Variants in FBXW8 observed in about 807,000 individuals in gnomAD.
FBXW8 encodes the protein F-box/WD repeat-containing protein 8.
A neutral mutation model predicts 65.3 loss-of-function variants in FBXW8; 57 were observed. That is an observed-to-expected ratio of 0.87 (90% CI 0.71 to 1.09). The LOEUF (loss-of-function observed/expected upper bound fraction) is 1.09. Ranked by LOEUF, FBXW8 falls within the 50% of genes least tolerant of loss-of-function variation. FBXW8 has a pLI of 0.00. For missense variants in FBXW8, 777 were observed against 814.8 expected (o/e 0.95, Z 0.57); for synonymous variants, 308 against 330.2 (o/e 0.93, Z 0.73).
chr12:116,990,485 G>A (rs1345911273), intron 7 of FBXW8, among the ~76,000 whole-genome samples: 1 of 152,080 alleles, frequency 6.6e-6, no homozygotes, highest in Non-Finnish European at 1.5e-5. Flanking sequence ...AGAGAGGGGA[G>A]ACCATTTTGC....
chr12:116,988,064 G>A (rs369078959), intron 6 of FBXW8, among the ~76,000 whole-genome samples: 25 of 152,308 alleles, frequency 1.6e-4, no homozygotes, highest in East Asian at 3.9e-4. Flanking sequence ...GTATTCCAGC[G>A]TATAGATACA....
rs745968022 is a variant in FBXW8, at chr12:117,010,373, C to T, written c.1290C>T (p.Asn430=). The change falls in exon 8 of 11, where the codon AAC becomes AAT. Residue 430 remains asparagine (N), a synonymous_variant. Coordinates refer to ENST00000652555, the MANE Select transcript of FBXW8 (RefSeq NM_153348.3). ...GACGCCGCCTCTTGAAGCTGGGTAA[C>T]GTTCTCCGTGACTTCACGTGTGTCA... ...EAGRRLLKLG[N]VLRDFTCVNL... 2.7e-5 allele frequency: 43 copies of T among 1,614,094 alleles called. No individual in the cohort carries two copies. The highest frequency in any genetic ancestry group is 5.0e-5 in the Admixed American group (3 of 60,016).
chr12:116,911,855 G>A (rs565255008), intron 1 of FBXW8, among the ~76,000 whole-genome samples: 6 of 152,176 alleles, frequency 3.9e-5, no homozygotes, highest in African/African-American at 1.4e-4. Context: ...TTTTGTAACC[G>A]TGCACGTATT....
chr12:117,010,253 G>A, intron 7 of FBXW8, 70 bp from the exon 8 acceptor site: 1 of 1,606,772 alleles, frequency 6.2e-7, no homozygotes, highest in Non-Finnish European at 8.5e-7. Context: ...CCACGATGGT[G>A]AAATGAAAGT....
At chr12:116,925,527 G>C (rs756544912) in intron 1 of FBXW8, among the ~76,000 whole-genome samples, 36 of 152,184 alleles carry the variant, frequency 2.4e-4, no homozygotes, top group Middle Eastern at 3.4e-3. Context: ...TTAGTGTATT[G>C]GTTTCTTTTT....
At chr12:116,935,158 A>G (rs1387927893) in intron 2 of FBXW8, among the ~76,000 whole-genome samples, 1 of 152,252 alleles carries the variant, frequency 6.6e-6, no homozygotes, top group African/African-American at 2.4e-5. Context: ...GTAATAAAGA[A>G]AAAGAGGGAA....
At chr12:117,027,094 C>T (rs537045378) in intron 9 of FBXW8, among the ~76,000 whole-genome samples, 28 of 152,286 alleles carry the variant, frequency 1.8e-4, no homozygotes, top group Admixed American at 1.3e-3. Context: ...GTGGCTGATT[C>T]GTCTGCAGTA....
At position 117,030,165 on chromosome 12, in the gene FBXW8, A is replaced by G. The variant is rs1467043701; in HGVS notation, c.*1993A>G. 2 of 152,160 alleles carry G rather than the reference A, an allele frequency of 1.3e-5. No individual in the cohort carries two copies. The highest frequency in any genetic ancestry group is 2.9e-5 in the Non-Finnish European group (2 of 68,026). The allele number at this position is 152,160 out of a possible 1,614,324, so 9.4% of individuals were successfully genotyped here. A position where few individuals can be genotyped will look rare whatever the true frequency, so the allele number is the denominator to read the frequency against. ...ATGAAGGTTCTGGAAGGTTTTTCAGATTGCTTAAGATACGCAGCCATTCCA... is the reference window on the plus strand; with the variant it reads ...ATGAAGGTTCTGGAAGGTTTTTCAGGTTGCTTAAGATACGCAGCCATTCCA... On this transcript the variant is annotated 3_prime_UTR_variant, in exon 11 of 11. Transcript: ENST00000652555.
At chr12:116,949,992 A>G in intron 4 of FBXW8, 1 of 345,688 alleles carries the variant, frequency 2.9e-6, no homozygotes, top group Non-Finnish European at 5.4e-6. Flanking sequence ...TGAGATTTTC[A>G]TTAAGGCAAA....
rs139933936 is a variant in FBXW8 at position 116,941,788 on chromosome 12, A to G, written c.424-3576A>G. ...CTTTTGTGTTAAATAGATATTGTCT[A>G]GTATGCTATTTAAATTTCTTTACTC... On this transcript the variant is annotated intron_variant, in intron 2 of 10. Coordinates refer to ENST00000652555, the MANE Select transcript of FBXW8 (RefSeq NM_153348.3). 9.2e-4 allele frequency among the ~76,000 whole-genome samples: 140 copies of G among 152,224 alleles called. 1 individual carries two copies. Among genetic ancestry groups the G allele is most frequent in the African/African-American group, 3.2e-3 (134 of 41,520 alleles).
At chr12:116,951,826 T>C (rs756048137) in intron 4 of FBXW8, among the ~76,000 whole-genome samples, 1 of 152,164 alleles carries the variant, frequency 6.6e-6, no homozygotes, top group Non-Finnish European at 1.5e-5. Context: ...AATCTGAAAA[T>C]AGTCACTCGT....
chr12:116,941,478 ACATGGAGCTTGTGTG>A (rs1436722267), intron 2 of FBXW8, among the ~76,000 whole-genome samples: 2 of 152,180 alleles, frequency 1.3e-5, no homozygotes, highest in Non-Finnish European at 2.9e-5. Context: ...TGCTTATCAC[ACATGGAGCTTGTGTG>A]CACACATATA....
intron 5 of FBXW8, among the ~76,000 whole-genome samples, chr12:116,976,634 T>C (rs987114901): frequency 6.6e-6 from 1 of 151,094 alleles, no homozygotes; most frequent in African/African-American, 2.4e-5. Context: ...TTTTTTTTTT[T>C]TTTGTATTTT....
chr12:116,939,284 T>C (rs945860203), intron 2 of FBXW8, among the ~76,000 whole-genome samples: 1 of 152,206 alleles, frequency 6.6e-6, no homozygotes, highest in Non-Finnish European at 1.5e-5. Flanking sequence ...GGAGACTCAG[T>C]CAGAATAATG....
rs77748576 is a variant in FBXW8 at position 116,952,313 on chromosome 12, G to C, written c.677+2607G>C. ...AATTCACCAAAGGATGCATTTTTCTGAGTGTAACCCTGTCGTTTAGTGACA... is the reference window on the plus strand; with the variant it reads ...AATTCACCAAAGGATGCATTTTTCTCAGTGTAACCCTGTCGTTTAGTGACA... On this transcript the variant is annotated intron_variant, in intron 4 of 10. Coordinates refer to ENST00000652555, the MANE Select transcript of FBXW8 (RefSeq NM_153348.3). Among the ~76,000 whole-genome samples, 814 of 152,278 alleles carry C rather than the reference G, an allele frequency of 5.3e-3. 9 individuals are homozygous for C. Among genetic ancestry groups the C allele is most frequent in the African/African-American group, 0.019 (782 of 41,550 alleles).
intron 7 of FBXW8, among the ~76,000 whole-genome samples, chr12:117,004,854 T>C (rs995763584): frequency 1.3e-5 from 2 of 152,200 alleles, no homozygotes; most frequent in Admixed American, 6.5e-5. Flanking sequence ...CTGGCTTGAA[T>C]GCTCTCTTAA....
intron 7 of FBXW8, among the ~76,000 whole-genome samples, chr12:116,992,761 GGTGTGT>G (rs59119067): frequency 5.1e-4 from 73 of 143,644 alleles, no homozygotes; most frequent in African/African-American, 1.1e-3. Context: ...ATTATTCCAT[GGTGTGT>G]GTGTGTGTGT....
chr12:116,985,333 T>TCAAA lies in FBXW8; in HGVS notation c.963_964insCAAA (p.Val322GlnfsTer9). The TCAAA allele has an allele frequency of 6.2e-7, 1 of 1,614,240 alleles. No individual in the cohort carries two copies. Among genetic ancestry groups the TCAAA allele is most frequent in the Non-Finnish European group, 8.5e-7 (1 of 1,180,048 alleles). ...CCGTGGCCACAGCTTCTGCTTTTGA[T>TCAAA]GTCGTGATGTTATCCCCCAATGAGG... On this transcript the variant is annotated frameshift_variant, in exon 6 of 11. Coordinates refer to ENST00000652555, the MANE Select transcript of FBXW8 (RefSeq NM_153348.3). LOFTEE classifies it high-confidence loss of function.
intron 5 of FBXW8, among the ~76,000 whole-genome samples, chr12:116,975,531 C>G (rs1473679305): frequency 6.6e-6 from 1 of 152,178 alleles, no homozygotes; most frequent in African/African-American, 2.4e-5. Context: ...GGGGACACAA[C>G]ATTCAGATGA....
Sources: allele counts gnomAD v4.1 joint callset (sites outside exome capture counted in the v4.1 genomes callset), GRCh38; gene constraint gnomAD v4.1.1; transcripts MANE v1.5; gene names NCBI Gene and HGNC (gene_info 2026-07-23, HGNC 2026-07-21).